Variants in RTF2 observed in about 807,000 individuals in gnomAD.
RTF2 encodes replication termination factor 2.
RTF2 carries 18 observed loss-of-function variants against 38.0 expected under a neutral mutation model. The ratio of observed to expected loss-of-function variants is 0.47; its 90% confidence interval spans 0.33 to 0.70. RTF2 has a LOEUF of 0.70. RTF2 is among the 30% of genes least tolerant of loss of function. The pLI is 0.02. For missense variants in RTF2, 311 were observed against 379.6 expected, an observed-to-expected ratio of 0.82 and a Z score of 1.50; for synonymous variants, 126 against 137.1, an observed-to-expected ratio of 0.92 and a Z score of 0.57.
chr20:56,517,119 A>G lies in RTF2; in HGVS notation c.660A>G (p.Pro220=). 6.2e-7 allele frequency: 1 copy of G among 1,614,178 alleles called. No individual in the cohort carries two copies. Among genetic ancestry groups the G allele is most frequent in the Non-Finnish European group, 8.5e-7 (1 of 1,180,020 alleles). Residue 220 remains proline, a synonymous_variant, in exon 8 of 9, where the codon CCA becomes CCG. Coordinates refer to ENST00000357348, the MANE Select transcript of RTF2 (RefSeq NM_016407.5). ...KPDVSEEAPG[P]SKVKTGKPEE... is the part of the protein sequence containing the mutation. ...TTTCTTTTACAGAAGCCCCAGGGCC[A>G]TCAAAAGTTAAGACAGGGAAGCCTG...
At chr20:56,512,970 A>G (rs879942875) in intron 5 of RTF2, among the ~76,000 whole-genome samples, 15 of 152,138 alleles carry the variant, frequency 9.9e-5, no homozygotes, top group Admixed American at 9.8e-4. Context: ...ACACTCCCAT[A>G]AGCAGGTAGG....
intron 5 of RTF2, among the ~76,000 whole-genome samples, chr20:56,494,409 C>G (rs1452349019): frequency 6.6e-6 from 1 of 152,076 alleles, no homozygotes; most frequent in African/African-American, 2.4e-5. Context: ...ATGTGCACAC[C>G]TGAGGGGCTC....
At chr20:56,507,933 C>G (rs73289063) in intron 5 of RTF2, among the ~76,000 whole-genome samples, 1 of 152,204 alleles carries the variant, frequency 6.6e-6, no homozygotes, top group African/African-American at 2.4e-5. Context: ...GGAACCTCCT[C>G]TAGCAGAGCA....
At chr20:56,486,686 G>A (rs1038104771) in intron 5 of RTF2, among the ~76,000 whole-genome samples, 5 of 152,080 alleles carry the variant, frequency 3.3e-5, no homozygotes, top group Admixed American at 3.3e-4. Context: ...AAAGTTAGCA[G>A]TTAAAATTAA....
At chr20:56,514,326 G>A (rs574675962) in intron 6 of RTF2, 7 of 151,870 alleles carry the variant, frequency 4.6e-5, no homozygotes, top group East Asian at 3.9e-4. Flanking sequence ...CAGGCCTTTC[G>A]TGAGTGGCAA....
At chr20:56,492,747 A>C (rs1203139777) in intron 5 of RTF2, among the ~76,000 whole-genome samples, 1 of 152,032 alleles carries the variant, frequency 6.6e-6, no homozygotes, top group African/African-American at 2.4e-5. Flanking sequence ...CAAGGGAGGA[A>C]ACAGATTAGC....
At chr20:56,471,386 G>A (rs1393823248) in intron 1 of RTF2, among the ~76,000 whole-genome samples, 1 of 152,112 alleles carries the variant, frequency 6.6e-6, no homozygotes, top group Non-Finnish European at 1.5e-5. Context: ...GGCTAACACA[G>A]TGAAACCCTG....
intron 3 of RTF2, among the ~76,000 whole-genome samples, chr20:56,475,876 C>G (rs6123595): frequency 0.41 from 62,253 of 152,076 alleles, 13,718 homozygotes; most frequent in East Asian, 0.93. Context: ...AGAAAAAAAG[C>G]ATACAAATAA....
chr20:56,496,614 A>T (rs1225993164), intron 5 of RTF2: 13 of 1,468,380 alleles, frequency 8.9e-6, no homozygotes, highest in Non-Finnish European at 1.1e-5. Flanking sequence ...CTGCACAGGC[A>T]TCCATATCGG....
intron 3 of RTF2, among the ~76,000 whole-genome samples, chr20:56,476,248 A>G (rs1366145014): frequency 1.3e-5 from 2 of 152,080 alleles, no homozygotes; most frequent in African/African-American, 4.8e-5. Flanking sequence ...GATTTTATAT[A>G]TATATTTTTT....
chr20:56,478,356 A>G (rs1982364786), intron 4 of RTF2, among the ~76,000 whole-genome samples: 2 of 152,214 alleles, frequency 1.3e-5, no homozygotes, highest in South Asian at 4.2e-4. Context: ...TTAGCCAGCC[A>G]TGGTGGCATG....
intron 5 of RTF2, among the ~76,000 whole-genome samples, chr20:56,496,035 C>T (rs1035127137): frequency 2.0e-5 from 3 of 152,174 alleles, no homozygotes; most frequent in African/African-American, 4.8e-5. Context: ...AAGATTTATA[C>T]TCAGAATTTT....
intron 5 of RTF2, among the ~76,000 whole-genome samples, chr20:56,510,885 G>A (rs1039012424): frequency 6.6e-6 from 1 of 152,194 alleles, no homozygotes. Context: ...CCTGGGAGGT[G>A]GAGGCTGCAC....
intron 4 of RTF2, among the ~76,000 whole-genome samples, chr20:56,479,602 A>T (rs1320981825): frequency 6.6e-6 from 1 of 152,200 alleles, no homozygotes; most frequent in African/African-American, 2.4e-5. Context: ...GCCCAGATCC[A>T]TCAGAGGAAT....
intron 5 of RTF2, among the ~76,000 whole-genome samples, chr20:56,507,350 C>G (rs962720747): frequency 6.6e-6 from 1 of 152,130 alleles, no homozygotes; most frequent in Non-Finnish European, 1.5e-5. Context: ...GATGGGGCCC[C>G]TAGCAGTTGG....
chr20:56,515,444 C>T (rs1229736758), intron 6 of RTF2, among the ~76,000 whole-genome samples: 4 of 151,922 alleles, frequency 2.6e-5, no homozygotes, highest in Admixed American at 2.0e-4. Flanking sequence ...TGGTGGCGTG[C>T]GCCAGTAATC....
intron 1 of RTF2, among the ~76,000 whole-genome samples, chr20:56,473,099 C>G (rs1982055168): frequency 6.6e-6 from 1 of 152,124 alleles, no homozygotes; most frequent in South Asian, 2.1e-4. Flanking sequence ...CCACTACACT[C>G]CAGCCTGGGC....
At chr20:56,473,499 A>C (rs1982076738) in intron 2 of RTF2, 104 bp downstream of exon 2, 1 of 767,344 alleles carries the variant, frequency 1.3e-6, no homozygotes, top group Non-Finnish European at 2.2e-6. Flanking sequence ...ATCCCAAGCA[A>C]ATTTGTGAGG....
At chr20:56,513,891 G>C (rs1047106054) in intron 6 of RTF2, 41 of 162,764 alleles carry the variant, frequency 2.5e-4, no homozygotes, top group African/African-American at 9.8e-4. Context: ...AAAATGTAAG[G>C]CTCCCCTGCT....
Sources: allele counts gnomAD v4.1 joint callset (sites outside exome capture counted in the v4.1 genomes callset), GRCh38; gene constraint gnomAD v4.1.1; transcripts MANE v1.5; gene names NCBI Gene and HGNC (gene_info 2026-07-23, HGNC 2026-07-21).